The following SLC18B1 variants were observed in gnomAD, a reference collection of about 807,000 sequenced individuals.
The protein encoded by SLC18B1 is solute carrier family 18 member B1.
A neutral mutation model predicts 53.9 loss-of-function variants in SLC18B1; 62 were observed. The observed-to-expected ratio is 1.15, with a 90% CI of 0.94 to 1.42. The LOEUF is 1.42. Ranked by LOEUF, SLC18B1 falls within the 40% of genes most tolerant of loss-of-function variation. The pLI, the probability that SLC18B1 is intolerant of heterozygous loss-of-function variation, is 0.00. For synonymous variants in SLC18B1, 217 were observed against 200.9 expected (o/e 1.08, Z -0.68); for missense variants, 598 against 547.3 (o/e 1.09, Z -0.93).
intron 2 of SLC18B1, among the ~76,000 whole-genome samples, chr6:132,792,224 TCAGA>T (rs1226972862): frequency 9.4e-5 from 4 of 42,332 alleles, no homozygotes; most frequent in African/African-American, 4.5e-4. Flanking sequence ...CAAGACACTG[TCAGA>T]AAGAAAGAAA....
Position 132,784,331 on chromosome 6 carries a change from A to G in SLC18B1, c.502-242T>C, listed in dbSNP as rs1459842291. ...ATTGTGACATAAAACACAGAAGATA[A>G]AAAAGATTGACAAATCTGATTACAT... is the stretch of plus-strand genomic sequence containing the variant. On this transcript the variant is annotated intron_variant, in intron 5 of 13. Coordinates refer to ENST00000275227, the MANE Select transcript of SLC18B1 (RefSeq NM_052831.3). 3.3e-5 allele frequency among the ~76,000 whole-genome samples: 5 copies of G among 152,172 alleles called. No individual in the cohort carries two copies. In the South Asian group the frequency reaches 8.3e-4, roughly 25 times the overall value.
intron 1 of SLC18B1, among the ~76,000 whole-genome samples, chr6:132,797,629 C>A (rs117437398): frequency 0.057 from 8,585 of 151,804 alleles, 269 homozygotes; most frequent in Non-Finnish European, 0.066. Flanking sequence ...CAAACAAAAA[C>A]AAAAACAAAA....
chr6:132,792,270 A>AGAAAGAAC, intron 2 of SLC18B1, among the ~76,000 whole-genome samples: 1 of 52,910 alleles, frequency 1.9e-5, no homozygotes, highest in Non-Finnish European at 3.6e-5. Flanking sequence ...AAAGAAAGAA[A>AGAAAGAAC]GAAAGAAAGA....
At chr6:132,789,255 T>A (rs1422921095) in intron 4 of SLC18B1, among the ~76,000 whole-genome samples, 1 of 152,150 alleles carries the variant, frequency 6.6e-6, no homozygotes, top group Non-Finnish European at 1.5e-5. Flanking sequence ...TCAGCAAAGG[T>A]CAGGCCAGCG....
chr6:132,779,533 T>A, intron 6 of SLC18B1, 129 bp from the exon 7 acceptor site: 1 of 932,818 alleles, frequency 1.1e-6, no homozygotes. Context: ...TGAGTTTGCC[T>A]AAAATTGTAT....
At chr6:132,797,534 C>G (rs547522351) in intron 1 of SLC18B1, among the ~76,000 whole-genome samples, 2 of 152,258 alleles carry the variant, frequency 1.3e-5, no homozygotes, top group South Asian at 4.1e-4. Flanking sequence ...GGAGGCGGAG[C>G]TTGCAGTGAG....
intron 4 of SLC18B1, among the ~76,000 whole-genome samples, chr6:132,788,498 G>A (rs1781441182): frequency 6.6e-6 from 1 of 152,070 alleles, no homozygotes; most frequent in Non-Finnish European, 1.5e-5. Flanking sequence ...TGGTCCCCCA[G>A]ATGATAGTAC....
chr6:132,781,620 G>A (rs1387157814), intron 6 of SLC18B1, among the ~76,000 whole-genome samples: 1 of 151,958 alleles, frequency 6.6e-6, no homozygotes, highest in Non-Finnish European at 1.5e-5. Flanking sequence ...AGCCAGGTGT[G>A]GTGGCGCAGG....
At chr6:132,787,811 C>T (rs900629306) in intron 4 of SLC18B1, among the ~76,000 whole-genome samples, 6 of 151,996 alleles carry the variant, frequency 3.9e-5, no homozygotes, top group African/African-American at 1.2e-4. Context: ...CTTAGTCGCC[C>T]TTTTCTGCTG....
At chr6:132,791,928 G>A (rs1374338209) in intron 2 of SLC18B1, among the ~76,000 whole-genome samples, 1 of 151,960 alleles carries the variant, frequency 6.6e-6, no homozygotes, top group South Asian at 2.1e-4. Flanking sequence ...GTCAATTAAC[G>A]CATAAGAAAA....
chr6:132,773,136 C>T (rs370464395), intron 9 of SLC18B1, 48 bp from the exon 10 acceptor site: 54 of 1,365,614 alleles, frequency 4.0e-5, no homozygotes, highest in Middle Eastern at 1.8e-4. Flanking sequence ...AAAACATTAG[C>T]GTTTTAACAA....
rs558981122 is a variant in SLC18B1, at chr6:132,792,634, G to A, written c.184-2362C>T. 1.1e-4 allele frequency among the ~76,000 whole-genome samples: 16 copies of A among 152,234 alleles called. 1 individual carries two copies. In the South Asian group the frequency reaches 3.3e-3, roughly 32 times the overall value. ...TTTTTAGCTGGCCTCATTTATAGAT[G>A]AGGACAGGAACTTGCAAAGGTTACA... On this transcript the variant is annotated intron_variant, in intron 2 of 13. Coordinates refer to ENST00000275227, the MANE Select transcript of SLC18B1 (RefSeq NM_052831.3).
chr6:132,771,154 A>T (rs75956979), intron 11 of SLC18B1, 25 bp from the exon 12 acceptor site: 4 of 1,589,974 alleles, frequency 2.5e-6, no homozygotes, highest in South Asian at 1.1e-5. Flanking sequence ...AAGAAAAAGT[A>T]TTCAATAGTG....
At position 132,770,928 on chromosome 6, in the gene SLC18B1, C is replaced by T. The variant is rs1352506849; in HGVS notation, c.1266G>A (p.Met422Ile). The change falls in exon 13 of 14, where the codon ATG (methionine) becomes ATA (isoleucine). Residue 422 changes from methionine (M) to isoleucine (I), a missense_variant. Transcript: ENST00000275227. The part of the protein sequence containing the change: ...GLWALISGLA[M>I]GLFYLLEYSR... The stretch of plus-strand genomic sequence containing the variant: ...AATACTCCAGTAGATAAAACAAGCC[C>T]ATGGCTAATCCCTTAAACACAATTA... 1.2e-6 allele frequency: 2 copies of T among 1,612,346 alleles called. No individual in the cohort carries two copies. The highest frequency in any genetic ancestry group is 2.2e-5 in the East Asian group (1 of 44,858).
intron 7 of SLC18B1, among the ~76,000 whole-genome samples, chr6:132,777,081 T>C (rs774792734): frequency 6.6e-6 from 1 of 151,920 alleles, no homozygotes; most frequent in Non-Finnish European, 1.5e-5. Context: ...ATCAGCCTGG[T>C]GTGGTGGCGC....
chr6:132,788,041 GT>G (rs1267539380), intron 4 of SLC18B1, among the ~76,000 whole-genome samples: 1 of 151,936 alleles, frequency 6.6e-6, no homozygotes, highest in Non-Finnish European at 1.5e-5. Context: ...GCCACCTGTA[GT>G]TCCAGCTACT....
intron 7 of SLC18B1, among the ~76,000 whole-genome samples, chr6:132,777,144 G>A (rs1467640344): frequency 4.6e-5 from 7 of 152,018 alleles, no homozygotes; most frequent in African/African-American, 1.4e-4. Flanking sequence ...TCGAGGTGGA[G>A]GCAGGAGAAT....
chr6:132,785,272 A>C (rs1034707812), intron 5 of SLC18B1, among the ~76,000 whole-genome samples: 1 of 152,190 alleles, frequency 6.6e-6, no homozygotes, highest in Admixed American at 6.5e-5. Flanking sequence ...AGGCTGAGCA[A>C]CTGTTATATG....
chr6:132,788,911 C>A (rs1781454450), intron 4 of SLC18B1, among the ~76,000 whole-genome samples: 3 of 109,728 alleles, frequency 2.7e-5, no homozygotes. Flanking sequence ...CTCCCGTAGT[C>A]AGACTGAAAC....
Sources: allele counts gnomAD v4.1 joint callset (sites outside exome capture counted in the v4.1 genomes callset), GRCh38; gene constraint gnomAD v4.1.1; transcripts MANE v1.5; gene names NCBI Gene and HGNC (gene_info 2026-07-23, HGNC 2026-07-21).